The following PIP5K1C variants were observed in gnomAD, a reference collection of about 807,000 sequenced individuals.
PIP5K1C encodes phosphatidylinositol 4-phosphate 5-kinase type-1 gamma.
PIP5K1C carries 45 observed loss-of-function variants against 80.1 expected under a neutral mutation model. The ratio of observed to expected loss-of-function variants is 0.56; its 90% CI spans 0.44 to 0.72. The LOEUF is 0.72. PIP5K1C is among the 30% of genes least tolerant of loss of function. The probability of loss-of-function intolerance (pLI) is 0.00; values close to 1 mark genes in which losing one functional copy is unlikely to be tolerated. For missense variants in PIP5K1C, 753 were observed against 954.6 expected (o/e 0.79, Z 2.78); for synonymous variants, 498 against 420.1 (o/e 1.19, Z -2.27).
chr19:3,653,569 C>T lies in PIP5K1C; in HGVS notation c.642G>A (p.Arg214=), dbSNP rs1215576646. 9 of 1,608,432 alleles carry T rather than the reference C, an allele frequency of 5.6e-6. No individual in the cohort carries two copies. Among genetic ancestry groups the T allele is most frequent in the Non-Finnish European group, 7.7e-6 (9 of 1,175,632 alleles). The change falls in exon 7 of 18, where the codon CGG becomes CGA. Residue 214 remains arginine (R), a synonymous_variant. Coordinates refer to ENST00000335312, the MANE Select transcript of PIP5K1C (RefSeq NM_012398.3). ...GCCCATAGAACTTGGGCAGCAGCGT[C>T]CGCGGGTTCTGGTTGAGGTTCTGCC... ...GYYMNLNQNP[R]TLLPKFYGLY... is the part of the protein sequence containing the mutation.
At chr19:3,663,049 A>G (rs1406708509) in intron 3 of PIP5K1C, among the ~76,000 whole-genome samples, 1 of 151,920 alleles carries the variant, frequency 6.6e-6, no homozygotes, top group Non-Finnish European at 1.5e-5. Context: ...TATTTTTAGT[A>G]CAGACAAGGT....
chr19:3,653,889 C>T (rs919714726), intron 6 of PIP5K1C, among the ~76,000 whole-genome samples: 3 of 152,242 alleles, frequency 2.0e-5, no homozygotes, highest in Admixed American at 6.5e-5. Context: ...CCACAGACAT[C>T]GCCCTGGCTG....
intron 1 of PIP5K1C, among the ~76,000 whole-genome samples, chr19:3,678,439 G>C (rs1174926260): frequency 7.5e-6 from 1 of 133,566 alleles, no homozygotes; most frequent in Non-Finnish European, 1.7e-5. Context: ...ATGGAGGATG[G>C]AGAGATGGAG....
rs572911910 is a variant in PIP5K1C, at chr19:3,696,639, G to A, written c.94+3658C>T. Among the ~76,000 whole-genome samples the A allele has an allele frequency of 6.5e-3, 988 of 151,346 alleles. 14 individuals carry two copies. The highest frequency in any genetic ancestry group is 0.027 in the Middle Eastern group (8 of 292). On this transcript the variant is annotated intron_variant, in intron 1 of 17. Coordinates refer to ENST00000335312, the MANE Select transcript of PIP5K1C (RefSeq NM_012398.3). This position sits in a 1 kb window ranked among gnomAD's most constrained non-coding sequence, Gnocchi z 4.1. ...TGGGGGGCAGCCGTGCAAAGGCCCC[G>A]GGGCAGGACCATGCCCTGCATGCTG...
Position 3,648,030 on chromosome 19 carries a change from C to CT in PIP5K1C, c.1211+594dup, listed in dbSNP as rs917854033. Among the ~76,000 whole-genome samples the CT allele has an allele frequency of 2.0e-5, 3 of 149,792 alleles. No homozygotes were observed. Among genetic ancestry groups the CT allele is most frequent in the African/African-American group, 7.3e-5 (3 of 40,912 alleles). ...ACCCACTCCTTGGATTTTCTTTTTT[C>CT]TTTTTTTTTGGGACAGGGTCTTGCT... On this transcript the variant is annotated intron_variant, in intron 9 of 17. Coordinates refer to ENST00000335312, the MANE Select transcript of PIP5K1C (RefSeq NM_012398.3). This position sits in a 1 kb window ranked among gnomAD's most constrained non-coding sequence, Gnocchi z 4.3.
intron 8 of PIP5K1C, among the ~76,000 whole-genome samples, chr19:3,650,540 C>A (rs999027533): frequency 6.6e-6 from 1 of 152,236 alleles, no homozygotes; most frequent in African/African-American, 2.4e-5. Flanking sequence ...CTGCTCAGCA[C>A]CCTGCAGTGC....
intron 5 of PIP5K1C, 118 bp downstream of exon 5, chr19:3,660,848 A>G: frequency 1.3e-6 from 1 of 781,440 alleles, no homozygotes; most frequent in South Asian, 1.3e-5. Flanking sequence ...GAACCTGACC[A>G]TAACCCTACA....
chr19:3,657,214 C>T (rs1734306234), intron 5 of PIP5K1C, among the ~76,000 whole-genome samples: 1 of 152,192 alleles, frequency 6.6e-6, no homozygotes, highest in Non-Finnish European at 1.5e-5. Context: ...TCATGATGTG[C>T]TCGCTGTCTC....
Position 3,692,189 on chromosome 19 carries a change from C to T in PIP5K1C, c.94+8108G>A, listed in dbSNP as rs910984051. 1.3e-5 allele frequency among the ~76,000 whole-genome samples: 2 copies of T among 152,188 alleles called. No homozygotes were observed. Among genetic ancestry groups the T allele is most frequent in the Non-Finnish European group, 2.9e-5 (2 of 68,032 alleles). Reference sequence around the variant, plus strand: ...CTTTCCAAATGAGGAAACTGAGGCACGGAGCGGCTGGGCAACCGAACCCAA... The same window carrying T: ...CTTTCCAAATGAGGAAACTGAGGCATGGAGCGGCTGGGCAACCGAACCCAA... On this transcript the variant is annotated intron_variant, in intron 1 of 17. Coordinates refer to ENST00000335312, the MANE Select transcript of PIP5K1C (RefSeq NM_012398.3). This position sits in a 1 kb window ranked among gnomAD's most constrained non-coding sequence, Gnocchi z 5.2.
intron 1 of PIP5K1C, among the ~76,000 whole-genome samples, chr19:3,679,299 C>A (rs2035514843): frequency 6.6e-6 from 1 of 152,064 alleles, no homozygotes; most frequent in African/African-American, 2.4e-5. Context: ...CCCCACCCAG[C>A]ACCACACCTT....
chr19:3,652,386 G>A (rs2034485164), intron 7 of PIP5K1C, among the ~76,000 whole-genome samples: 1 of 152,264 alleles, frequency 6.6e-6, no homozygotes, highest in South Asian at 2.1e-4. Context: ...TGCCCGGCCT[G>A]ACAGGTGACA....
chr19:3,651,804 C>T (rs547511504), intron 8 of PIP5K1C, 22 bp downstream of exon 8: 55 of 1,604,652 alleles, frequency 3.4e-5, no homozygotes, highest in Admixed American at 5.0e-5. Context: ...GGGACGGGTC[C>T]GGCGGCCCCC....
chr19:3,662,027 C>A (rs768388325), intron 3 of PIP5K1C, 26 bp from the exon 4 acceptor site: 13 of 1,562,248 alleles, frequency 8.3e-6, no homozygotes, highest in Middle Eastern at 3.5e-4. Context: ...AGTGTCAGGG[C>A]CCCCGGCTGC....
chr19:3,693,011 C>T (rs780038445), intron 1 of PIP5K1C, among the ~76,000 whole-genome samples: 7 of 152,048 alleles, frequency 4.6e-5, no homozygotes, highest in Non-Finnish European at 8.8e-5. Flanking sequence ...CCACTCTCTC[C>T]CCTCCTCTGC....
At chr19:3,672,914 G>A (rs1279410124) in intron 1 of PIP5K1C, among the ~76,000 whole-genome samples, 3 of 149,628 alleles carry the variant, frequency 2.0e-5, no homozygotes, top group Admixed American at 6.6e-5. Context: ...GGGAGAGTGG[G>A]CAGGGCCCTG....
intron 3 of PIP5K1C, among the ~76,000 whole-genome samples, chr19:3,663,201 T>G (rs2034895114): frequency 6.7e-6 from 1 of 148,542 alleles, no homozygotes; most frequent in Admixed American, 6.8e-5. Context: ...ATCGTTTGCA[T>G]TATTCTCACT....
chr19:3,664,167 G>A (rs2034930025), intron 3 of PIP5K1C, among the ~76,000 whole-genome samples: 1 of 152,236 alleles, frequency 6.6e-6, no homozygotes, highest in Admixed American at 6.5e-5. Flanking sequence ...GTCCAGGACA[G>A]GCTGATCCAC....
At chr19:3,644,331 T>C (rs2034119777) in intron 11 of PIP5K1C, 80 bp from the exon 12 acceptor site, 5 of 1,410,812 alleles carry the variant, frequency 3.5e-6, no homozygotes, top group East Asian at 2.3e-5. Flanking sequence ...CGCCCACATA[T>C]ACCCCACGTC....
intron 5 of PIP5K1C, among the ~76,000 whole-genome samples, chr19:3,659,959 C>T (rs182355795): frequency 1.3e-5 from 2 of 152,334 alleles, no homozygotes; most frequent in East Asian, 3.9e-4. Context: ...CCGCACTTGT[C>T]TACAGAGTTC....
Sources: gnomAD v4.1 joint callset for allele counts (sites outside exome capture counted in the v4.1 genomes callset) on GRCh38, gnomAD v4.1.1 for gene constraint, Gnocchi (gnomAD v3.1) non-coding constraint, MANE v1.5 for transcripts, NCBI Gene and HGNC (gene_info 2026-07-23, HGNC 2026-07-21) for gene names.